The following SHLD1 variants were observed in gnomAD, a reference collection of about 807,000 sequenced individuals.
The protein encoded by SHLD1 is shieldin complex subunit 1.
SHLD1 carries 3 observed loss-of-function variants against 5.5 expected under a neutral mutation model. The observed-to-expected ratio is 0.54, with a 90% confidence interval of 0.25 to 1.40. SHLD1 has a LOEUF of 1.40. Among genes scored for constraint, SHLD1 ranks in the 40% most tolerant of loss-of-function variants. The pLI is 0.15. For missense variants in SHLD1, 210 were observed against 244.4 expected (o/e 0.86, Z 0.94); for synonymous variants, 92 against 94.3 (o/e 0.98, Z 0.14).
chr20:5,851,761 C>T (rs2088013729), intron 2 of SHLD1, among the ~76,000 whole-genome samples: 1 of 151,850 alleles, frequency 6.6e-6, no homozygotes. Flanking sequence ...TCTGTCCCGT[C>T]TAAATCTCAT....
chr20:5,802,669 C>T (rs1210552025), intron 2 of SHLD1, among the ~76,000 whole-genome samples: 2 of 151,732 alleles, frequency 1.3e-5, no homozygotes, highest in African/African-American at 4.8e-5. Context: ...ATTTTTTTGA[C>T]AGGGTCTCAC....
intron 1 of SHLD1, among the ~76,000 whole-genome samples, chr20:5,758,522 G>A (rs1984270081): frequency 1.3e-5 from 2 of 151,746 alleles, no homozygotes; most frequent in African/African-American, 2.4e-5. Context: ...GAGTTCAAGT[G>A]ATTCTCCTGC....
chr20:5,848,687 A>G (rs898075262), intron 2 of SHLD1, among the ~76,000 whole-genome samples: 5 of 152,244 alleles, frequency 3.3e-5, no homozygotes, highest in Non-Finnish European at 7.3e-5. Context: ...AAAATATAAA[A>G]TGCCAAAGTA....
chr20:5,782,927 CAG>C (rs1024976565), intron 2 of SHLD1, among the ~76,000 whole-genome samples: 1 of 152,130 alleles, frequency 6.6e-6, no homozygotes, highest in African/African-American at 2.4e-5. Context: ...AAATAGGAGT[CAG>C]GGTATATTTT....
chr20:5,772,687 G>A (rs1396350982), intron 1 of SHLD1, among the ~76,000 whole-genome samples, 175 bp from the exon 2 acceptor site: 1 of 152,136 alleles, frequency 6.6e-6, no homozygotes, highest in Non-Finnish European at 1.5e-5. Flanking sequence ...TGAGGTGGGA[G>A]GATTGCTTGA....
intron 1 of SHLD1, among the ~76,000 whole-genome samples, chr20:5,761,329 G>A (rs530796255): frequency 2.0e-5 from 3 of 151,822 alleles, no homozygotes; most frequent in Admixed American, 2.0e-4. Flanking sequence ...CCTAGATGAC[G>A]GGTTGATAGG....
chr20:5,771,175 A>C (rs760171385), intron 1 of SHLD1, among the ~76,000 whole-genome samples: 1 of 152,142 alleles, frequency 6.6e-6, no homozygotes, highest in Non-Finnish European at 1.5e-5. Flanking sequence ...GGTACTTTCC[A>C]GTCTTTTCAT....
At chr20:5,785,859 C>T (rs1302800169) in intron 2 of SHLD1, among the ~76,000 whole-genome samples, 1 of 150,472 alleles carries the variant, frequency 6.6e-6, no homozygotes, top group East Asian at 2.0e-4. Context: ...TAGCATCTTT[C>T]TACTAAGTCA....
chr20:5,754,511 GA>G (rs1441453824), intron 1 of SHLD1, among the ~76,000 whole-genome samples: 1 of 152,128 alleles, frequency 6.6e-6, no homozygotes, highest in African/African-American at 2.4e-5. Flanking sequence ...CATTGTTGAT[GA>G]AAAAAGCCAA....
chr20:5,847,506 T>G (rs1240352853), intron 2 of SHLD1, among the ~76,000 whole-genome samples: 1 of 152,054 alleles, frequency 6.6e-6, no homozygotes, highest in African/African-American at 2.4e-5. Context: ...ATCAGAGAAA[T>G]CAGACAAAAA....
chr20:5,802,522 A>T (rs989618548), intron 2 of SHLD1, among the ~76,000 whole-genome samples: 13 of 152,204 alleles, frequency 8.5e-5, no homozygotes, highest in African/African-American at 3.1e-4. Flanking sequence ...AAGTGGTTAG[A>T]GCAGTACCTG....
intron 2 of SHLD1, among the ~76,000 whole-genome samples, chr20:5,849,376 A>G (rs2087971751): frequency 6.6e-6 from 1 of 152,180 alleles, no homozygotes; most frequent in African/African-American, 2.4e-5. Context: ...AAACAGGGAA[A>G]AGGAAAGGAG....
intron 1 of SHLD1, among the ~76,000 whole-genome samples, chr20:5,760,752 T>C (rs1984415575): frequency 6.6e-6 from 1 of 151,062 alleles, no homozygotes; most frequent in South Asian, 2.1e-4. Context: ...GTGTGAGTGT[T>C]GGAGGAGGGT....
intron 2 of SHLD1, among the ~76,000 whole-genome samples, chr20:5,820,374 C>T (rs1041863574): frequency 2.0e-5 from 3 of 152,242 alleles, no homozygotes; most frequent in African/African-American, 7.2e-5. Context: ...GGTAGATCTT[C>T]AGAGACGGAA....
intron 2 of SHLD1, among the ~76,000 whole-genome samples, chr20:5,849,697 C>A (rs903792855): frequency 9.2e-5 from 14 of 152,076 alleles, no homozygotes; most frequent in Admixed American, 2.0e-4. Context: ...CGGTGGCTCA[C>A]GCCTGTAATC....
At chr20:5,755,307 T>C (rs1007044397) in intron 1 of SHLD1, among the ~76,000 whole-genome samples, 9 of 152,166 alleles carry the variant, frequency 5.9e-5, no homozygotes, top group African/African-American at 1.9e-4. Context: ...CTCTGAGCTC[T>C]GCCTCCTGTT....
At chr20:5,811,409 C>G (rs918281717) in intron 2 of SHLD1, among the ~76,000 whole-genome samples, 1 of 152,134 alleles carries the variant, frequency 6.6e-6, no homozygotes, top group Admixed American at 6.5e-5. Context: ...AAAATAGACA[C>G]AAACCTCAGG....
chr20:5,834,469 T>A (rs2087766962), intron 2 of SHLD1, among the ~76,000 whole-genome samples: 1 of 152,190 alleles, frequency 6.6e-6, no homozygotes, highest in Non-Finnish European at 1.5e-5. Flanking sequence ...GTAGCATTCT[T>A]TTTTTGTTTT....
At chr20:5,857,963 G>A (rs2088111787) in intron 2 of SHLD1, among the ~76,000 whole-genome samples, 1 of 152,154 alleles carries the variant, frequency 6.6e-6, no homozygotes, top group South Asian at 2.1e-4. Context: ...GCCGGGCATG[G>A]TGGCGGGTGC....
Sources: gnomAD v4.1 joint callset for allele counts (sites outside exome capture counted in the v4.1 genomes callset) on GRCh38, gnomAD v4.1.1 for gene constraint, MANE v1.5 for transcripts, NCBI Gene and HGNC (gene_info 2026-07-23, HGNC 2026-07-21) for gene names.